The following FGF13 variants were observed in gnomAD, a reference collection of about 807,000 sequenced individuals.
FGF13 encodes the protein fibroblast growth factor 13, also known as fibroblast growth factor homologous factor 2.
Under a neutral mutation model 19.5 loss-of-function variants are expected in FGF13, and 2 were observed. That is an observed-to-expected ratio of 0.10 (90% CI 0.04 to 0.32). The LOEUF is 0.32. FGF13 is among the 10% of genes least tolerant of loss of function. The pLI is 1.00. For synonymous variants in FGF13, 72 were observed against 76.9 expected, an observed-to-expected ratio of 0.94 and a Z score of 0.33; for missense variants, 113 against 192.7, an observed-to-expected ratio of 0.59 and a Z score of 2.45.
In FGF13 at chrX:138,630,017, T is replaced by C. The variant is rs1328265149; in HGVS notation, c.*2833A>G. ...CTACTAAAGGATGTGCATGAGGGGA[T>C]GGGGTGGGAAAGGGTGTGTGTGTAT... On this transcript the variant is annotated 3_prime_UTR_variant, in exon 5 of 5. Transcript: ENST00000315930. The C allele has an allele frequency of 9.0e-6, 1 of 111,026 alleles. No homozygotes were observed. The highest frequency in any genetic ancestry group is 3.3e-5 in the African/African-American group (1 of 30,488). 9.1% of individuals were successfully genotyped at this position (111,026 alleles called of 1,213,427 possible).
At chrX:139,068,480 G>T (rs1475586038) in intron 1 of FGF13, among the ~76,000 whole-genome samples, 5 of 104,472 alleles carry the variant, frequency 4.8e-5, no homozygotes, top group African/African-American at 1.8e-4. Flanking sequence ...CTCTTTTTTG[G>T]TTCCATATGA....
chrX:138,864,419 G>C (rs1016428438), intron 2 of FGF13, among the ~76,000 whole-genome samples: 1 of 112,707 alleles, frequency 8.9e-6, no homozygotes, highest in African/African-American at 3.2e-5. Flanking sequence ...CTCAGCATAG[G>C]ACAAAGACTT....
intron 1 of FGF13, among the ~76,000 whole-genome samples, chrX:139,037,290 C>A (rs2092253730): frequency 9.0e-6 from 1 of 111,160 alleles, no homozygotes; most frequent in Admixed American, 9.6e-5. Flanking sequence ...TCTCCATATA[C>A]TAAAGAAAAT....
chrX:139,086,468 A>T (rs1490511284), intron 1 of FGF13, among the ~76,000 whole-genome samples: 1 of 112,433 alleles, frequency 8.9e-6, no homozygotes, highest in Non-Finnish European at 1.9e-5. Flanking sequence ...AACATTGTTA[A>T]CGTATTAAAT....
chrX:138,761,639 G>A (rs1348265749), intron 3 of FGF13, among the ~76,000 whole-genome samples: 1 of 111,657 alleles, frequency 9.0e-6, no homozygotes, highest in Non-Finnish European at 1.9e-5. Context: ...GCACAGTGCC[G>A]GTTTAACAAA....
intron 1 of FGF13, among the ~76,000 whole-genome samples, chrX:138,734,666 G>A (rs1396879714): frequency 1.8e-5 from 2 of 111,500 alleles, no homozygotes; most frequent in Non-Finnish European, 3.8e-5. Context: ...ATACCTCCTC[G>A]ATGAGGCTAT....
At chrX:138,862,105 CCT>C (rs1412648640) in intron 2 of FGF13, among the ~76,000 whole-genome samples, 1 of 111,689 alleles carries the variant, frequency 9.0e-6, no homozygotes, top group Non-Finnish European at 1.9e-5. Context: ...CAAGACTACC[CCT>C]GTCTCCAAAA....
intron 3 of FGF13, among the ~76,000 whole-genome samples, chrX:138,665,544 A>G (rs1281341737): frequency 1.8e-5 from 2 of 111,701 alleles, no homozygotes; most frequent in African/African-American, 6.5e-5. Flanking sequence ...CTTTGGAAAT[A>G]TATCAAAAGC....
intron 1 of FGF13, among the ~76,000 whole-genome samples, chrX:138,932,060 G>C (rs1165757933): frequency 9.1e-6 from 1 of 109,917 alleles, no homozygotes; most frequent in Non-Finnish European, 1.9e-5. Flanking sequence ...GTTTGCAGCA[G>C]TTCACTCCTG....
intron 1 of FGF13, among the ~76,000 whole-genome samples, chrX:139,131,106 C>T (rs2083757116): frequency 9.1e-6 from 1 of 110,332 alleles, no homozygotes; most frequent in Non-Finnish European, 1.9e-5. Flanking sequence ...ATCATGTTTC[C>T]TCAAAATGTA....
intron 3 of FGF13, among the ~76,000 whole-genome samples, chrX:138,812,645 G>T (rs1021831470): frequency 5.4e-5 from 6 of 110,947 alleles, no homozygotes; most frequent in African/African-American, 2.0e-4. Flanking sequence ...TAGAAAAGTT[G>T]GGAAATATAG....
intron 3 of FGF13, among the ~76,000 whole-genome samples, chrX:138,810,673 C>T (rs139877957): frequency 2.7e-5 from 3 of 110,404 alleles, no homozygotes; most frequent in Non-Finnish European, 5.7e-5. Context: ...CAGAATGGGA[C>T]AAAATGTTTA....
chrX:138,851,414 A>G (rs993644932), intron 3 of FGF13, among the ~76,000 whole-genome samples: 9 of 111,693 alleles, frequency 8.1e-5, no homozygotes, highest in Non-Finnish European at 1.3e-4. Flanking sequence ...GTTTCTTAAC[A>G]TTTTAATAAT....
downstream of FGF13, among the ~76,000 whole-genome samples, chrX:138,853,547 G>A (rs2091237062): frequency 1.8e-5 from 2 of 110,812 alleles, no homozygotes; most frequent in Admixed American, 1.9e-4. Flanking sequence ...AAGCCGCAAT[G>A]GTTGGATGGC....
intron 3 of FGF13, among the ~76,000 whole-genome samples, chrX:138,812,131 T>C (rs763910854): frequency 9.0e-6 from 1 of 111,671 alleles, no homozygotes; most frequent in Non-Finnish European, 1.9e-5. Flanking sequence ...GATTTGCCTA[T>C]TCTAAAACAT....
intron 1 of FGF13, among the ~76,000 whole-genome samples, chrX:139,122,758 C>A (rs1407259410): frequency 9.0e-6 from 1 of 111,470 alleles, no homozygotes; most frequent in Non-Finnish European, 1.9e-5. Context: ...GTCCCTCAGA[C>A]CAAACTTTTT....
chrX:138,837,147 A>G (rs1342411345), intron 3 of FGF13, among the ~76,000 whole-genome samples: 2 of 112,040 alleles, frequency 1.8e-5, no homozygotes, highest in East Asian at 5.6e-4. Flanking sequence ...GTTAGGAGGA[A>G]TGAGATTGGG....
intron 1 of FGF13, among the ~76,000 whole-genome samples, chrX:139,118,370 T>C (rs1011844665): frequency 1.1e-4 from 12 of 111,831 alleles, no homozygotes; most frequent in Non-Finnish European, 1.9e-4. Context: ...ACTAAATGCG[T>C]ATTGCTTTCA....
intron 1 of FGF13, among the ~76,000 whole-genome samples, chrX:138,952,235 C>G (rs778270831): frequency 1.5e-3 from 163 of 111,346 alleles, no homozygotes; most frequent in Middle Eastern, 4.7e-3. Flanking sequence ...CAGAGATATA[C>G]ACCAACGGAG....
Sources: gnomAD v4.1 joint callset for allele counts (sites outside exome capture counted in the v4.1 genomes callset) on GRCh38, gnomAD v4.1.1 for gene constraint, MANE v1.5 for transcripts, NCBI Gene and HGNC (gene_info 2026-07-23, HGNC 2026-07-21) for gene names.